Variants in FLNB observed in about 807,000 individuals in gnomAD.
The protein encoded by FLNB is filamin-B.
FLNB carries 111 observed loss-of-function variants against 250.6 expected under a neutral mutation model. The ratio of observed to expected loss-of-function variants is 0.44; its 90% CI spans 0.38 to 0.52. The LOEUF (loss-of-function observed/expected upper bound fraction) is 0.52. Ranked by LOEUF, FLNB falls within the 20% of genes least tolerant of loss-of-function variation. The pLI, the probability that FLNB is intolerant of heterozygous loss-of-function variation, is 0.00. For synonymous variants in FLNB, 1,302 were observed against 1,372.1 expected (o/e 0.95, Z 1.13); for missense variants, 2,869 against 3,447.8 (o/e 0.83, Z 4.20).
rs547087756 is a variant in FLNB at position 58,130,019 on chromosome 3, G to C, written c.4223-722G>C. ...GTCAGAGGCCCTCAGGGTCCCCCGGGGGGTCAGCCATGTAGCAGGAGCTCA... is the reference window on the plus strand; with the variant it reads ...GTCAGAGGCCCTCAGGGTCCCCCGGCGGGTCAGCCATGTAGCAGGAGCTCA... On this transcript the variant is annotated intron_variant, in intron 24 of 45. Coordinates refer to ENST00000295956, the MANE Select transcript of FLNB (RefSeq NM_001457.4). Among the ~76,000 whole-genome samples, 34 of 152,340 alleles carry C rather than the reference G, an allele frequency of 2.2e-4. No individual in the cohort carries two copies. In the East Asian group the frequency reaches 5.4e-3, roughly 24 times the overall value.
chr3:58,162,499 T>C (rs1307659807), intron 42 of FLNB: 3 of 152,800 alleles, frequency 2.0e-5, no homozygotes, highest in Non-Finnish European at 2.9e-5. Flanking sequence ...CCGTTTTTTT[T>C]CCCCTTCAAG....
chr3:58,082,488 C>T (rs777560961), intron 4 of FLNB, among the ~76,000 whole-genome samples: 2 of 151,930 alleles, frequency 1.3e-5, no homozygotes, highest in African/African-American at 2.4e-5. Flanking sequence ...AAGAAAATAT[C>T]GGCCGGGTGT....
intron 1 of FLNB, among the ~76,000 whole-genome samples, chr3:58,010,283 T>G (rs1055161121): frequency 6.6e-6 from 1 of 152,170 alleles, no homozygotes; most frequent in Admixed American, 6.5e-5. Flanking sequence ...GAGATGGGTG[T>G]GGCTGCCAGG....
intron 19 of FLNB, among the ~76,000 whole-genome samples, chr3:58,119,954 C>T (rs964062625): frequency 1.3e-5 from 2 of 152,196 alleles, no homozygotes; most frequent in African/African-American, 2.4e-5. Flanking sequence ...ACATCTTTTC[C>T]GTCTGTGTTT....
chr3:58,143,818 G>A (rs547446073), intron 32 of FLNB, among the ~76,000 whole-genome samples: 7 of 152,338 alleles, frequency 4.6e-5, no homozygotes, highest in Non-Finnish European at 1.0e-4. Context: ...CAGTGTCTTG[G>A]GTCACAGTGC....
At chr3:58,085,664 A>G (rs2097216243) in intron 4 of FLNB, among the ~76,000 whole-genome samples, 1 of 152,178 alleles carries the variant, frequency 6.6e-6, no homozygotes, top group Non-Finnish European at 1.5e-5. Flanking sequence ...AGGGTTAGCT[A>G]TGTGAAAAGC....
intron 13 of FLNB, among the ~76,000 whole-genome samples, 181 bp downstream of exon 13, chr3:58,108,752 T>G (rs185716963): frequency 2.0e-4 from 30 of 152,316 alleles, no homozygotes; most frequent in African/African-American, 7.2e-4. Flanking sequence ...AGTACTGGGC[T>G]TTAAAAAAAT....
In FLNB at chr3:58,148,295, G is replaced by T. The variant is rs374726492; in HGVS notation, c.5818G>T (p.Ala1940Ser). Reference protein sequence around the residue: ...ISETDLSSLTASIKAPSGRDE... With the variant: ...ISETDLSSLTSSIKAPSGRDE... The stretch of plus-strand genomic sequence containing the variant: ...TGAGACTGACCTCAGCAGCCTGACG[G>T]CCAGCATTAAGGCCCCATCTGGCCG... The change falls in exon 35 of 46, where the codon GCC becomes TCC. Residue 1940 changes from alanine (A) to serine (S), a missense_variant. Transcript: ENST00000295956. The T allele has an allele frequency of 2.3e-5, 37 of 1,614,002 alleles. No individual in the cohort carries two copies. Among genetic ancestry groups the T allele is most frequent in the Non-Finnish European group, 3.1e-5 (37 of 1,180,038 alleles).
chr3:58,125,174 C>T (rs756492676), intron 22 of FLNB, among the ~76,000 whole-genome samples: 3 of 152,132 alleles, frequency 2.0e-5, no homozygotes, highest in Non-Finnish European at 4.4e-5. Context: ...ACTCTGTTGC[C>T]CAGGCTGGAG....
At chr3:58,094,646 C>T (rs2097234803) in intron 4 of FLNB, among the ~76,000 whole-genome samples, 190 bp from the exon 5 acceptor site, 1 of 152,174 alleles carries the variant, frequency 6.6e-6, no homozygotes, top group African/African-American at 2.4e-5. Context: ...GATATTACTT[C>T]AATAACATGG....
intron 1 of FLNB, among the ~76,000 whole-genome samples, chr3:58,048,083 C>T (rs1210944681): frequency 6.6e-6 from 1 of 152,098 alleles, no homozygotes; most frequent in Non-Finnish European, 1.5e-5. Context: ...CCAAAATGCT[C>T]CCAAGTGTCC....
intron 1 of FLNB, among the ~76,000 whole-genome samples, chr3:58,037,866 C>T (rs537633856): frequency 5.9e-5 from 9 of 152,062 alleles, no homozygotes; most frequent in Non-Finnish European, 1.2e-4. Flanking sequence ...GATCACTTGC[C>T]AGAAAGAACA....
Position 58,169,827 on chromosome 3 carries a change from G to A in FLNB, c.7621+34G>A. The A allele has an allele frequency of 7.0e-7, 1 of 1,421,520 alleles. No homozygotes were observed. The highest frequency in any genetic ancestry group is 1.2e-5 in the South Asian group (1 of 86,410). 88.1% of individuals were successfully genotyped at this position (1,421,520 alleles called of 1,614,324 possible). A position where few individuals can be genotyped will look rare whatever the true frequency, so the allele number is the denominator to read the frequency against. On this transcript the variant is annotated intron_variant, in intron 45 of 45. Transcript: ENST00000295956. This position sits in a 1 kb window ranked among gnomAD's most constrained non-coding sequence, Gnocchi z 4.8. ...CTGGGCCTTTTCAAGGGTGGGGTGG[G>A]GCAGGGGCAGGCTGGGCACCCTGGG...
chr3:58,050,021 C>CTTT (rs34910480), intron 1 of FLNB, among the ~76,000 whole-genome samples: 23 of 130,484 alleles, frequency 1.8e-4, no homozygotes, highest in South Asian at 2.4e-4. Flanking sequence ...TAGAAAATGC[C>CTTT]TTTTTTTTTT....
At chr3:58,046,401 A>G (rs901786880) in intron 1 of FLNB, among the ~76,000 whole-genome samples, 7 of 152,010 alleles carry the variant, frequency 4.6e-5, no homozygotes, top group African/African-American at 1.4e-4. Context: ...AAAGTATGCA[A>G]TTTTTAGTAT....
rs2097335342 is a variant in FLNB, at chr3:58,146,054, T to C, written c.5554+5T>C. ...TCACAGAGGATGCAGGAGAAGGTAC[T>C]GTGTGGTTTACGTGTTTATACGCCT... On this transcript the variant is annotated splice_donor_5th_base_variant and intron_variant, in intron 33 of 45. Coordinates refer to ENST00000295956, the MANE Select transcript of FLNB (RefSeq NM_001457.4). 6.2e-7 allele frequency: 1 copy of C among 1,614,092 alleles called. No homozygotes were observed. The highest frequency in any genetic ancestry group is 8.5e-7 in the Non-Finnish European group (1 of 1,180,024).
intron 17 of FLNB, 68 bp downstream of exon 17, chr3:58,111,949 A>G: frequency 7.3e-7 from 1 of 1,376,152 alleles, no homozygotes. Context: ...TGTTTCATCC[A>G]CGGCCTTGAG....
chr3:58,078,900 C>T (rs1364748277), intron 3 of FLNB, 86 bp downstream of exon 3: 2 of 931,590 alleles, frequency 2.1e-6, no homozygotes, highest in East Asian at 2.6e-5. Context: ...GGCAGCCCGA[C>T]CTTCTTGGCA....
rs1443066029 is a variant in FLNB at position 58,142,692 on chromosome 3, C to T, written c.5224C>T (p.Leu1742=). 4.3e-6 allele frequency: 7 copies of T among 1,614,122 alleles called. No individual in the cohort carries two copies. Among genetic ancestry groups the T allele is most frequent in the Non-Finnish European group, 8.5e-7 (1 of 1,180,052 alleles). ...TGTCCCAGTGAGTGACATGAACGGC[C>T]TGGGATTTAAGCCTTTTGACCTGGT... is the stretch of plus-strand genomic sequence containing the variant. The part of the protein sequence containing the change: ...AYVPVSDMNG[L]GFKPFDLVIP... Residue 1742 remains leucine (L), a synonymous_variant, in exon 31 of 46, where the codon CTG becomes TTG. Transcript: ENST00000295956. The surrounding 1 kb of genome is among the most constrained non-coding windows in gnomAD (Gnocchi z 4.3).
Sources: gnomAD v4.1 joint callset for allele counts (sites outside exome capture counted in the v4.1 genomes callset) on GRCh38, gnomAD v4.1.1 for gene constraint, Gnocchi (gnomAD v3.1) non-coding constraint, MANE v1.5 for transcripts, NCBI Gene and HGNC (gene_info 2026-07-23, HGNC 2026-07-21) for gene names.